Variants in NR2F1-AS1 observed in about 807,000 individuals in gnomAD.
The protein encoded by NR2F1-AS1 is NR2F1 regulatory antisense RNA 1, also known as NR2F1 antisense RNA 1.
intron 4 of NR2F1-AS1, among the ~76,000 whole-genome samples, chr5:93,553,522 A>T (rs1311992170): frequency 6.6e-6 from 1 of 152,254 alleles, no homozygotes; most frequent in South Asian, 2.1e-4. Flanking sequence ...TGGAGATGAC[A>T]GAAGCTACTC....
At chr5:93,453,762 T>A (rs1164196728) in intron 4 of NR2F1-AS1, among the ~76,000 whole-genome samples, 1 of 152,030 alleles carries the variant, frequency 6.6e-6, no homozygotes, top group East Asian at 1.9e-4. Flanking sequence ...AAAAAATATA[T>A]CTTTTAAAAA....
At chr5:93,488,976 T>C (rs1750783025) in intron 4 of NR2F1-AS1, among the ~76,000 whole-genome samples, 1 of 152,150 alleles carries the variant, frequency 6.6e-6, no homozygotes, top group African/African-American at 2.4e-5. Flanking sequence ...GAAACCATCA[T>C]TCTCAGCAAA....
At chr5:93,463,640 T>C (rs1455068672) in intron 4 of NR2F1-AS1, among the ~76,000 whole-genome samples, 1 of 152,166 alleles carries the variant, frequency 6.6e-6, no homozygotes, top group Non-Finnish European at 1.5e-5. Context: ...GCCTGTACCC[T>C]GTAAAGCCAC....
chr5:93,566,672 C>A (rs913264515), intron 1 of NR2F1-AS1, among the ~76,000 whole-genome samples: 3 of 151,852 alleles, frequency 2.0e-5, no homozygotes, highest in Non-Finnish European at 4.4e-5. Context: ...TTCTGGAAAA[C>A]AATTGGGCAA....
At chr5:93,498,774 T>C (rs1337809543) in intron 4 of NR2F1-AS1, among the ~76,000 whole-genome samples, 2 of 152,126 alleles carry the variant, frequency 1.3e-5, no homozygotes, top group Non-Finnish European at 2.9e-5. Context: ...TAAATGTAAC[T>C]GGATAAAGGC....
chr5:93,517,076 A>G (rs1751413018), intron 4 of NR2F1-AS1, among the ~76,000 whole-genome samples: 1 of 151,938 alleles, frequency 6.6e-6, no homozygotes, highest in Admixed American at 6.6e-5. Flanking sequence ...TTATCAATCA[A>G]TTCACATTAT....
chr5:93,538,282 G>A (rs1159536142), intron 4 of NR2F1-AS1, among the ~76,000 whole-genome samples: 1 of 152,078 alleles, frequency 6.6e-6, no homozygotes, highest in African/African-American at 2.4e-5. Flanking sequence ...AGACCAGCCT[G>A]GACAATATAG....
At chr5:93,500,407 A>G (rs549815619) in intron 4 of NR2F1-AS1, among the ~76,000 whole-genome samples, 1 of 152,154 alleles carries the variant, frequency 6.6e-6, no homozygotes, top group Non-Finnish European at 1.5e-5. Flanking sequence ...ATGACAGTAC[A>G]TCTGTTTACT....
intron 4 of NR2F1-AS1, among the ~76,000 whole-genome samples, chr5:93,460,963 C>T (rs539339553): frequency 6.6e-6 from 1 of 152,322 alleles, no homozygotes; most frequent in African/African-American, 2.4e-5. Flanking sequence ...TACCATTCAA[C>T]CCAGCAGTCC....
At chr5:93,500,429 T>A (rs910610346) in intron 4 of NR2F1-AS1, among the ~76,000 whole-genome samples, 5 of 152,072 alleles carry the variant, frequency 3.3e-5, no homozygotes, top group Non-Finnish European at 7.3e-5. Flanking sequence ...CATGTTTTAC[T>A]GAATATTTTA....
intron 4 of NR2F1-AS1, among the ~76,000 whole-genome samples, chr5:93,441,237 T>C (rs1191167096): frequency 1.3e-5 from 2 of 152,232 alleles, no homozygotes; most frequent in African/African-American, 4.8e-5. Context: ...CATTAACTTT[T>C]TAGCATCAAA....
chr5:93,421,511 GT>G (rs1273668964), intron 4 of NR2F1-AS1, among the ~76,000 whole-genome samples: 1 of 152,184 alleles, frequency 6.6e-6, no homozygotes, highest in African/African-American at 2.4e-5. Context: ...TTCACTAGCA[GT>G]TTTTGACGTC....
At chr5:93,533,711 T>C (rs962911515) in intron 4 of NR2F1-AS1, among the ~76,000 whole-genome samples, 3 of 152,204 alleles carry the variant, frequency 2.0e-5, no homozygotes, top group Non-Finnish European at 2.9e-5. Flanking sequence ...ATGAGATAGA[T>C]ATTACTATCA....
chr5:93,502,278 C>T (rs1208433643), intron 4 of NR2F1-AS1, among the ~76,000 whole-genome samples: 1 of 152,086 alleles, frequency 6.6e-6, no homozygotes, highest in African/African-American at 2.4e-5. Flanking sequence ...TGTCTGTAAA[C>T]ACATTTGATC....
At chr5:93,582,866 A>G (rs1753139909), upstream of NR2F1-AS1, among the ~76,000 whole-genome samples, 1 of 151,914 alleles carries the variant, frequency 6.6e-6, no homozygotes, top group Non-Finnish European at 1.5e-5. Context: ...ATCTCAATGT[A>G]AATTGCGCTT....
chr5:93,581,725 TCTCTCTCTCC>T (rs1753052483), upstream of NR2F1-AS1, among the ~76,000 whole-genome samples: 12 of 53,716 alleles, frequency 2.2e-4, no homozygotes, highest in African/African-American at 1.0e-3. Flanking sequence ...TCTCTCTCTC[TCTCTCTCTCC>T]CCCTCTCCCT....
chr5:93,419,817 A>T (rs1030875300), intron 4 of NR2F1-AS1, among the ~76,000 whole-genome samples: 3 of 152,222 alleles, frequency 2.0e-5, no homozygotes, highest in Non-Finnish European at 4.4e-5. Flanking sequence ...GGGGGACCAG[A>T]ATATAACCTT....
chr5:93,541,592 T>G (rs1751951662), intron 4 of NR2F1-AS1, among the ~76,000 whole-genome samples: 1 of 152,182 alleles, frequency 6.6e-6, no homozygotes, highest in African/African-American at 2.4e-5. Flanking sequence ...CTGGATCCCC[T>G]GAACAACAGT....
At chr5:93,580,062 G>A (rs1299604953) in intron 1 of NR2F1-AS1, among the ~76,000 whole-genome samples, 5 of 152,232 alleles carry the variant, frequency 3.3e-5, no homozygotes, top group Admixed American at 2.6e-4. Flanking sequence ...TCTGCAGCCG[G>A]CTCCACCGCG....
Sources: gnomAD v4.1 joint callset for allele counts (sites outside exome capture counted in the v4.1 genomes callset) on GRCh38, gnomAD v4.1.1 for gene constraint, MANE v1.5 for transcripts, NCBI Gene and HGNC (gene_info 2026-07-23, HGNC 2026-07-21) for gene names.